CFAP43: variants seen among roughly 807,000 people sequenced by gnomAD.
The protein encoded by CFAP43 is cilia- and flagella-associated protein 43.
Under a neutral mutation model 218.9 loss-of-function variants are expected in CFAP43, and 155 were observed. The observed-to-expected ratio is 0.71, with a 90% CI of 0.62 to 0.81. The LOEUF (loss-of-function observed/expected upper bound fraction) is 0.81, where lower values mean the gene tolerates loss of function less well. Ranked by LOEUF, CFAP43 falls within the 30% of genes least tolerant of loss-of-function variation. CFAP43 has a pLI of 0.00. For synonymous variants in CFAP43, 645 were observed against 681.3 expected, an observed-to-expected ratio of 0.95 and a Z score of 0.83; for missense variants, 1,778 against 1,954.3, an observed-to-expected ratio of 0.91 and a Z score of 1.70.
chr10:104,145,577 A>C lies in CFAP43; in HGVS notation c.3856-13T>G. 2 of 1,579,120 alleles carry C rather than the reference A, an allele frequency of 1.3e-6. No individual in the cohort carries two copies. The highest frequency in any genetic ancestry group is 1.7e-6 in the Non-Finnish European group (2 of 1,153,312). ...TGCGATCCATAACCTAAGGACAAACATGACATTTGAGGACTGCAACTTGGT... is the reference window on the plus strand; with the variant it reads ...TGCGATCCATAACCTAAGGACAAACCTGACATTTGAGGACTGCAACTTGGT... On this transcript the variant is annotated splice_polypyrimidine_tract_variant and intron_variant, in intron 30 of 37. Transcript: ENST00000357060.
intron 24 of CFAP43, 69 bp from the exon 25 acceptor site, chr10:104,162,472 C>G: frequency 4.5e-6 from 6 of 1,334,390 alleles, no homozygotes; most frequent in Non-Finnish European, 6.5e-6. Context: ...CTTCCACATA[C>G]TGGGAGGAGG....
intron 21 of CFAP43, among the ~76,000 whole-genome samples, chr10:104,168,283 T>C (rs1368863996): frequency 1.3e-5 from 2 of 152,318 alleles, no homozygotes; most frequent in South Asian, 2.1e-4. Flanking sequence ...TGATAATAGT[T>C]ACTCTGGGAT....
rs971352611 is a variant in CFAP43, at chr10:104,137,249, G to T, written c.4432-3465C>A. Among the ~76,000 whole-genome samples, 3 of 152,122 alleles carry T rather than the reference G, an allele frequency of 2.0e-5. No homozygotes were observed. In the East Asian group the frequency reaches 5.8e-4, roughly 29 times the overall value. ...CAGCTGATGAATGGATAAACAAAATGTATATCCATAAAATGAAATATGATT... is the reference window on the plus strand; with the variant it reads ...CAGCTGATGAATGGATAAACAAAATTTATATCCATAAAATGAAATATGATT... On this transcript the variant is annotated intron_variant, in intron 34 of 37. Coordinates refer to ENST00000357060, the MANE Select transcript of CFAP43 (RefSeq NM_025145.7).
chr10:104,218,928 A>G, intron 3 of CFAP43: 1 of 461,758 alleles, frequency 2.2e-6, no homozygotes, highest in South Asian at 1.6e-5. Flanking sequence ...GAGCCACCAC[A>G]CCAACCACAG....
At chr10:104,194,988 T>C (rs929426391) in intron 10 of CFAP43, among the ~76,000 whole-genome samples, 3 of 152,208 alleles carry the variant, frequency 2.0e-5, no homozygotes, top group African/African-American at 7.2e-5. Context: ...TGTATATGTG[T>C]ATGTGTTCCC....
chr10:104,143,661 C>T, intron 31 of CFAP43, 22 bp from the exon 32 acceptor site: 1 of 1,610,556 alleles, frequency 6.2e-7, no homozygotes, highest in South Asian at 1.1e-5. Context: ...AAGAAAAGCC[C>T]ATCAACATTT....
In CFAP43 at chr10:104,130,381, C is replaced by T. The variant is rs1167682250; in HGVS notation, c.4832-76G>A. The T allele has an allele frequency of 2.0e-6, 3 of 1,514,794 alleles. No homozygotes were observed. In the East Asian group the frequency reaches 6.9e-5, roughly 35 times the overall value. The allele number at this position is 1,514,794 out of a possible 1,614,324, so 93.8% of individuals were successfully genotyped here. A position where few individuals can be genotyped will look rare whatever the true frequency, so the allele number is the denominator to read the frequency against. The stretch of plus-strand genomic sequence containing the variant: ...TACAGAAGCAGCACTCAGAATCATA[C>T]ATGTGGAAGAAATGCTGGTAGCAAA... On this transcript the variant is annotated intron_variant, in intron 37 of 37. Transcript: ENST00000357060.
chr10:104,147,593 G>C (rs2088037922), intron 29 of CFAP43, among the ~76,000 whole-genome samples: 1 of 152,178 alleles, frequency 6.6e-6, no homozygotes, highest in Non-Finnish European at 1.5e-5. Context: ...CCCACAGCCA[G>C]TGCTTTCAAC....
intron 7 of CFAP43, among the ~76,000 whole-genome samples, chr10:104,205,107 G>C (rs533457434): frequency 8.6e-5 from 13 of 151,656 alleles, no homozygotes; most frequent in African/African-American, 3.1e-4. Flanking sequence ...CAGCTACTCG[G>C]GAGGCTGAGG....
At chr10:104,167,805 T>G in intron 21 of CFAP43, 68 bp from the exon 22 acceptor site, 2 of 1,154,170 alleles carry the variant, frequency 1.7e-6, no homozygotes, top group East Asian at 2.4e-5. Context: ...TGGGGTTGAG[T>G]AGGGGATGTT....
chr10:104,141,338 G>T (rs375650614), intron 33 of CFAP43, among the ~76,000 whole-genome samples: 1 of 152,180 alleles, frequency 6.6e-6, no homozygotes, highest in Non-Finnish European at 1.5e-5. Flanking sequence ...CTGGCCAGGC[G>T]CAGTGGCTCA....
At chr10:104,227,849 T>TC (rs1390554209) in intron 2 of CFAP43, among the ~76,000 whole-genome samples, 1 of 135,678 alleles carries the variant, frequency 7.4e-6, no homozygotes, top group Non-Finnish European at 1.6e-5. Context: ...TTTTTTTTTT[T>TC]TTTTTTTTTT....
intron 2 of CFAP43, among the ~76,000 whole-genome samples, chr10:104,227,339 C>G (rs991804488): frequency 5.3e-5 from 8 of 152,086 alleles, no homozygotes; most frequent in African/African-American, 1.7e-4. Flanking sequence ...TATACTGGGT[C>G]AAATAGAGTC....
chr10:104,180,938 T>C (rs2089819103), intron 17 of CFAP43, among the ~76,000 whole-genome samples: 1 of 152,126 alleles, frequency 6.6e-6, no homozygotes, highest in African/African-American at 2.4e-5. Context: ...TTGCCATTCA[T>C]GCTTCCATGA....
Position 104,142,284 on chromosome 10 carries a change from A to C in CFAP43, c.4268T>G (p.Ile1423Ser), listed in dbSNP as rs751928697. 1.2e-6 allele frequency: 2 copies of C among 1,610,262 alleles called. No individual in the cohort carries two copies. Among genetic ancestry groups the C allele is most frequent in the Non-Finnish European group, 1.7e-6 (2 of 1,178,062 alleles). The change falls in exon 33 of 38, where the codon ATC becomes AGC. Residue 1423 changes from isoleucine (I) to serine (S), a missense_variant. Physicochemically the swap from Ile to Ser is moderately radical, Grantham distance 142. This residue lies in a region of CFAP43 where 1,553 missense variants were observed against 1,685.2 expected (regional missense o/e 0.92). Coordinates refer to ENST00000357060, the MANE Select transcript of CFAP43 (RefSeq NM_025145.7). ...QEIERVFHEL[I>S]LLQEEKVRFQ... Reference sequence around the variant, plus strand: ...ATGAAAGAAAGCTTCAAATTACAGGATGAGTTCATGGAACACTCTCTCAAT... The same window carrying C: ...ATGAAAGAAAGCTTCAAATTACAGGCTGAGTTCATGGAACACTCTCTCAAT...
In CFAP43 at chr10:104,192,241, T is replaced by G; in HGVS notation, c.1504A>C (p.Asn502His). ...TGAAATGAGCTTGAGGAGTTGGCAT[T>G]GATAATAAAGACTTTTCCTTCTGCT... ...GTAEGKVFII[N>H]ANSSSSFQII... Residue 502 changes from asparagine (N) to histidine (H), a missense_variant, in exon 12 of 38, where the codon AAT becomes CAT. Around this residue, in one of 3 missense-constraint regions of CFAP43, gnomAD observed 1,553 missense variants for 1,685.2 expected, o/e 0.92. Coordinates refer to ENST00000357060, the MANE Select transcript of CFAP43 (RefSeq NM_025145.7). 1.2e-6 allele frequency: 2 copies of G among 1,613,166 alleles called. No individual in the cohort carries two copies. The highest frequency in any genetic ancestry group is 2.7e-5 in the African/African-American group (2 of 75,018).
chr10:104,221,087 T>C (rs755729427), intron 3 of CFAP43, among the ~76,000 whole-genome samples: 1 of 152,038 alleles, frequency 6.6e-6, no homozygotes, highest in Non-Finnish European at 1.5e-5. Flanking sequence ...GTGATTCTCC[T>C]GCCTCAGCCT....
intron 1 of CFAP43, among the ~76,000 whole-genome samples, chr10:104,231,396 G>A (rs2091444332): frequency 6.6e-6 from 1 of 152,196 alleles, no homozygotes; most frequent in African/African-American, 2.4e-5. Flanking sequence ...AAGGAATGAA[G>A]TCGACGTGAA....
intron 35 of CFAP43, 83 bp from the exon 36 acceptor site, chr10:104,132,279 GT>G: frequency 9.5e-7 from 1 of 1,050,752 alleles, no homozygotes; most frequent in Non-Finnish European, 1.4e-6. Flanking sequence ...AGCTTTGAAA[GT>G]TACTGTTTTT....
Sources: allele counts gnomAD v4.1 joint callset (sites outside exome capture counted in the v4.1 genomes callset), GRCh38; gene constraint gnomAD v4.1.1; regional missense constraint gnomAD v4.1.1; transcripts MANE v1.5; gene names NCBI Gene and HGNC (gene_info 2026-07-23, HGNC 2026-07-21).